The following LRFN5 variants were observed in gnomAD, a reference collection of about 807,000 sequenced individuals.
LRFN5 encodes the protein leucine-rich repeat and fibronectin type-III domain-containing protein 5.
Under a neutral mutation model 45.6 loss-of-function variants are expected in LRFN5, and 24 were observed. The observed-to-expected ratio is 0.53, with a 90% CI of 0.38 to 0.74. The LOEUF (loss-of-function observed/expected upper bound fraction) is 0.74, where lower values mean the gene tolerates loss of function less well. Ranked by LOEUF, LRFN5 falls within the 30% of genes least tolerant of loss-of-function variation. The probability of loss-of-function intolerance (pLI) is 0.00; values close to 1 mark genes in which losing one functional copy is unlikely to be tolerated. For missense variants in LRFN5, 776 were observed against 861.5 expected (o/e 0.90, Z 1.24); for synonymous variants, 340 against 313.8 (o/e 1.08, Z -0.88).
intron 2 of LRFN5, among the ~76,000 whole-genome samples, chr14:41,856,675 A>ATTATTATTATTATTTTTTTTTTTTTTTT: frequency 4.4e-4 from 8 of 18,334 alleles, no homozygotes; most frequent in Admixed American, 1.2e-3. Flanking sequence ...TATTATTATT[A>ATTATTATTATTATTTTTTTTTTTTTTTT]TTTTTTTTTT....
At chr14:41,791,261 A>T (rs1886909899) in intron 2 of LRFN5, among the ~76,000 whole-genome samples, 2 of 152,000 alleles carry the variant, frequency 1.3e-5, no homozygotes, top group Admixed American at 6.6e-5. Context: ...TGGATTATAA[A>T]ATAAATACAT....
Position 41,886,920 on chromosome 14 carries a change from C to G in LRFN5, c.295C>G (p.Arg99Gly), listed in dbSNP as rs985650289. The G allele has an allele frequency of 1.2e-6, 2 of 1,614,176 alleles. No homozygotes were observed. The highest frequency in any genetic ancestry group is 1.7e-6 in the Non-Finnish European group (2 of 1,180,030). ...TACACCTCATGCTTTCGCTGACCTA[C>G]GAAATTTGAGGGCTTTGCATTTGAA... ...FITPHAFADL[R>G]NLRALHLNSN... The change falls in exon 3 of 6, where the codon CGA (arginine) becomes GGA (glycine). Residue 99 changes from arginine (R) to glycine (G), a missense_variant. Arg to Gly is a moderately radical substitution (Grantham distance 125, BLOSUM62 -2). Around this residue, in one of 2 missense-constraint regions of LRFN5, gnomAD observed 311 missense variants for 405.1 expected, o/e 0.77. Coordinates refer to ENST00000298119, the MANE Select transcript of LRFN5 (RefSeq NM_152447.5).
chr14:41,892,732 AT>A, intron 4 of LRFN5: 1 of 985,252 alleles, frequency 1.0e-6, no homozygotes, highest in Non-Finnish European at 1.2e-6. Flanking sequence ...GTTGTAAGAT[AT>A]TTCTCCTCTA....
At chr14:41,843,405 T>A (rs534499087) in intron 2 of LRFN5, among the ~76,000 whole-genome samples, 1 of 152,312 alleles carries the variant, frequency 6.6e-6, no homozygotes, top group Admixed American at 6.5e-5. Flanking sequence ...ATATCCTTCA[T>A]AAGCAGAACT....
intron 1 of LRFN5, among the ~76,000 whole-genome samples, chr14:41,710,563 A>T (rs985232032): frequency 6.6e-6 from 1 of 151,594 alleles, no homozygotes; most frequent in Non-Finnish European, 1.5e-5. Context: ...AGATTTCTTG[A>T]TCTACTTTAG....
chr14:41,632,930 T>C (rs1024577816), intron 1 of LRFN5, among the ~76,000 whole-genome samples: 29 of 152,204 alleles, frequency 1.9e-4, no homozygotes, highest in African/African-American at 6.8e-4. Context: ...GAATTATGAA[T>C]TGATACCCCA....
chr14:41,860,887 A>T (rs1055822596), intron 2 of LRFN5, among the ~76,000 whole-genome samples: 1 of 152,222 alleles, frequency 6.6e-6, no homozygotes, highest in Non-Finnish European at 1.5e-5. Context: ...AACCTCTGCA[A>T]ATTTAAACAA....
intron 1 of LRFN5, among the ~76,000 whole-genome samples, chr14:41,756,071 T>C (rs191526757): frequency 1.0e-3 from 152 of 152,330 alleles, no homozygotes; most frequent in African/African-American, 3.5e-3. Context: ...AATTCTTTTG[T>C]TTAAAAATGT....
intron 1 of LRFN5, among the ~76,000 whole-genome samples, chr14:41,619,431 C>A (rs920699076): frequency 1.3e-5 from 2 of 151,758 alleles, no homozygotes; most frequent in African/African-American, 4.8e-5. Flanking sequence ...TATTTGACTT[C>A]AGTGTTTGTA....
chr14:41,765,022 A>G (rs1885821225), intron 1 of LRFN5, among the ~76,000 whole-genome samples: 1 of 152,124 alleles, frequency 6.6e-6, no homozygotes, highest in Non-Finnish European at 1.5e-5. Flanking sequence ...GAAGACAGAA[A>G]TGGAATGTTT....
At chr14:41,879,904 G>T (rs1890314304) in intron 2 of LRFN5, among the ~76,000 whole-genome samples, 2 of 144,218 alleles carry the variant, frequency 1.4e-5, no homozygotes. Flanking sequence ...ATCTTGCAGG[G>T]ATCAATTTTT....
chr14:41,835,276 A>G (rs2139041150), intron 2 of LRFN5, among the ~76,000 whole-genome samples: 1 of 152,310 alleles, frequency 6.6e-6, no homozygotes, highest in Non-Finnish European at 1.5e-5. Flanking sequence ...TGATAAATAA[A>G]TGCTTACTGC....
intron 2 of LRFN5, among the ~76,000 whole-genome samples, chr14:41,856,409 A>G (rs1274697884): frequency 1.3e-5 from 2 of 152,132 alleles, no homozygotes; most frequent in Admixed American, 6.5e-5. Context: ...AGGAGCTTCA[A>G]GGGGCTTCTA....
chr14:41,615,548 G>A (rs1025106097), intron 1 of LRFN5, among the ~76,000 whole-genome samples: 1 of 151,974 alleles, frequency 6.6e-6, no homozygotes, highest in Non-Finnish European at 1.5e-5. Flanking sequence ...CCATTTTCTG[G>A]AATGTTTTCA....
At chr14:41,812,502 G>A (rs574699607) in intron 2 of LRFN5, among the ~76,000 whole-genome samples, 2 of 151,628 alleles carry the variant, frequency 1.3e-5, no homozygotes, top group South Asian at 4.2e-4. Flanking sequence ...GTATACTTGG[G>A]CAACGATGGA....
intron 2 of LRFN5, among the ~76,000 whole-genome samples, chr14:41,825,250 G>A (rs1888254060): frequency 6.6e-6 from 1 of 152,132 alleles, no homozygotes; most frequent in Non-Finnish European, 1.5e-5. Flanking sequence ...AGACGCTTTT[G>A]CGCCAAGCCC....
At chr14:41,651,531 A>G (rs960940254) in intron 1 of LRFN5, among the ~76,000 whole-genome samples, 1 of 152,172 alleles carries the variant, frequency 6.6e-6, no homozygotes, top group Non-Finnish European at 1.5e-5. Context: ...AATTCTTTAC[A>G]TGATTCTCTA....
rs1428416141 is a variant in LRFN5 at position 41,734,344 on chromosome 14, A to ATATATATATATT, written c.-196-32509_-196-32508insATATATATATTT. 2.4e-4 allele frequency among the ~76,000 whole-genome samples: 25 copies of ATATATATATATT among 105,962 alleles called. 3 individuals carry two copies. The highest frequency in any genetic ancestry group is 1.0e-3 in the East Asian group (2 of 1,940). 69.5% of individuals were successfully genotyped at this position (105,962 alleles called of 152,430 possible). A position where few individuals can be genotyped will look rare whatever the true frequency, so the allele number is the denominator to read the frequency against. On this transcript the variant is annotated intron_variant, in intron 1 of 5. Coordinates refer to ENST00000298119, the MANE Select transcript of LRFN5 (RefSeq NM_152447.5). ...TATATATATATATATATATATATAT[A>ATATATATATATT]TTTAAATTTGCTGTAACTTATTGAT...
At chr14:41,771,779 T>C (rs1886099584) in intron 2 of LRFN5, among the ~76,000 whole-genome samples, 1 of 152,198 alleles carries the variant, frequency 6.6e-6, no homozygotes, top group African/African-American at 2.4e-5. Context: ...TTCTAAACTT[T>C]CCCTCATCTT....
Sources: allele counts gnomAD v4.1 joint callset (sites outside exome capture counted in the v4.1 genomes callset), GRCh38; gene constraint gnomAD v4.1.1; regional missense constraint gnomAD v4.1.1; transcripts MANE v1.5; gene names NCBI Gene and HGNC (gene_info 2026-07-23, HGNC 2026-07-21).